PTGIS: variants seen among roughly 807,000 people sequenced by gnomAD.
The protein encoded by PTGIS is prostaglandin I2 synthase.
A neutral mutation model predicts 50.3 loss-of-function variants in PTGIS; 45 were observed. That is an observed-to-expected ratio of 0.90 (90% confidence interval 0.70 to 1.15). The LOEUF is 1.15. PTGIS is among the 50% of genes most tolerant of loss of function. The pLI is 0.00. For synonymous variants in PTGIS, 260 were observed against 267.7 expected, an observed-to-expected ratio of 0.97 and a Z score of 0.28; for missense variants, 668 against 661.3, an observed-to-expected ratio of 1.01 and a Z score of -0.11.
At chr20:49,543,121 A>G (rs1228463483) in intron 4 of PTGIS, among the ~76,000 whole-genome samples, 2 of 152,130 alleles carry the variant, frequency 1.3e-5, no homozygotes, top group Non-Finnish European at 2.9e-5. Context: ...GGTTAAGGGC[A>G]TCACTAAAAT....
intron 8 of PTGIS, 66 bp from the exon 9 acceptor site, chr20:49,511,245 A>G (rs1168464247): frequency 2.2e-5 from 35 of 1,579,072 alleles, no homozygotes; most frequent in Non-Finnish European, 2.9e-5. Flanking sequence ...AGAAAAATGT[A>G]TGAGGATGTT....
At position 49,511,164 on chromosome 20, in the gene PTGIS, G is replaced by A. The variant is rs774604774; in HGVS notation, c.1222C>T (p.Arg408Ter). 4 of 1,614,048 alleles carry A rather than the reference G, an allele frequency of 2.5e-6. No homozygotes were observed. Among genetic ancestry groups the A allele is most frequent in the South Asian group, 1.1e-5 (1 of 91,074 alleles). Reference sequence around the variant, plus strand: ...TCTGATCCGTCAGGGTTCAGGAATCGGTTGTATTTAAATACCTGAAATAGG... The same window carrying A: ...TCTGATCCGTCAGGGTTCAGGAATCAGTTGTATTTAAATACCTGAAATAGG... ...YTDPEVFKYN[R>*]FLNPDGSEKK... Residue 408 changes from arginine (R) to a stop codon, truncating the protein, a stop_gained, in exon 9 of 10, where the codon CGA (arginine) becomes TGA (stop). Transcript: ENST00000244043. LOFTEE classifies it high-confidence loss of function.
At chr20:49,522,609 C>T (rs1386542189) in intron 6 of PTGIS, among the ~76,000 whole-genome samples, 1 of 152,114 alleles carries the variant, frequency 6.6e-6, no homozygotes, top group Non-Finnish European at 1.5e-5. Context: ...ACTACAGGTG[C>T]ACACTACCAT....
rs1269245534 is a variant in PTGIS at position 49,508,586 on chromosome 20, T to G, written c.1359-522A>C. On this transcript the variant is annotated intron_variant, in intron 9 of 9. Coordinates refer to ENST00000244043, the MANE Select transcript of PTGIS (RefSeq NM_000961.4). ...CCTCTGGATCCTCCAGCCCACACAC[T>G]TTGCCGCCTTTCCCCACACTCCTGG... is the stretch of plus-strand genomic sequence containing the variant. 3.2e-4 allele frequency among the ~76,000 whole-genome samples: 49 copies of G among 152,018 alleles called. 1 individual carries two copies. Among genetic ancestry groups the G allele is most frequent in the Admixed American group, 3.2e-3 (49 of 15,272 alleles).
In PTGIS at chr20:49,547,870, G is replaced by T. The variant is rs1982403286; in HGVS notation, c.348C>A (p.Ser116Arg). 6.2e-7 allele frequency: 1 copy of T among 1,614,006 alleles called. No homozygotes were observed. Among genetic ancestry groups the T allele is most frequent in the African/African-American group, 1.3e-5 (1 of 74,886 alleles). The change falls in exon 3 of 10, where the codon AGC (serine) becomes AGA (arginine). Residue 116 changes from serine to arginine, a missense_variant. Ser to Arg is a moderately radical substitution (Grantham distance 110). Transcript: ENST00000244043. ...RIFDVQLPHY[S>R]PSDEKARMKL... is the part of the protein sequence containing the mutation. Reference sequence around the variant, plus strand: ...TCATCCTGGCCTTTTCATCACTGGGGCTGTAATGTGGAAGCTGCACATCAA... The same window carrying T: ...TCATCCTGGCCTTTTCATCACTGGGTCTGTAATGTGGAAGCTGCACATCAA...
rs142636742 is a variant in PTGIS, at chr20:49,562,516, G to A, written c.74+5527C>T. 1.3e-3 allele frequency among the ~76,000 whole-genome samples: 198 copies of A among 152,334 alleles called. 1 individual carries two copies. In the East Asian group the frequency reaches 0.014, roughly 11 times the overall value. ...CAGGGTGACTCAGCCTGCAGCCAGC[G>A]GGGGCGAAGGAGGCTCTGTTTTGGG... On this transcript the variant is annotated intron_variant, in intron 1 of 9. Coordinates refer to ENST00000244043, the MANE Select transcript of PTGIS (RefSeq NM_000961.4).
chr20:49,567,994 G>C lies in PTGIS; in HGVS notation c.74+49C>G, dbSNP rs932946879. The C allele has an allele frequency of 1.0e-4, 152 of 1,449,192 alleles. No individual in the cohort carries two copies. In the African/African-American group the frequency reaches 2.2e-3, roughly 21 times the overall value. The allele number at this position is 1,449,192 out of a possible 1,614,324, so 89.8% of individuals were successfully genotyped here. A position where few individuals can be genotyped will look rare whatever the true frequency, so the allele number is the denominator to read the frequency against. On this transcript the variant is annotated intron_variant, in intron 1 of 9. Coordinates refer to ENST00000244043, the MANE Select transcript of PTGIS (RefSeq NM_000961.4). ...GAGACCCTTGGGCTGCAGCCCGGGCGGGAGCCGCCCCCTTTGTCTGGCGGG... is the reference window on the plus strand; with the variant it reads ...GAGACCCTTGGGCTGCAGCCCGGGCCGGAGCCGCCCCCTTTGTCTGGCGGG...
At chr20:49,567,982 T>G in intron 1 of PTGIS, 61 bp downstream of exon 1, 1 of 1,421,636 alleles carries the variant, frequency 7.0e-7, no homozygotes, top group Non-Finnish European at 9.2e-7. Flanking sequence ...ACCCTTGGGC[T>G]GCAGCCCGGG....
intron 1 of PTGIS, among the ~76,000 whole-genome samples, chr20:49,561,138 T>C (rs923145968): frequency 6.6e-6 from 1 of 152,124 alleles, no homozygotes; most frequent in African/African-American, 2.4e-5. Flanking sequence ...GCCACTTCTC[T>C]TCCTCCTTTC....
intron 6 of PTGIS, among the ~76,000 whole-genome samples, chr20:49,515,531 T>C (rs1158205743): frequency 1.3e-5 from 2 of 152,250 alleles, no homozygotes; most frequent in Non-Finnish European, 2.9e-5. Flanking sequence ...AATAATGGAA[T>C]ATTAAATCAT....
intron 4 of PTGIS, among the ~76,000 whole-genome samples, chr20:49,542,365 G>A (rs1381655919): frequency 2.0e-4 from 31 of 152,246 alleles, no homozygotes; most frequent in Non-Finnish European, 8.8e-5. Flanking sequence ...GCAGTGGAAA[G>A]GCCTACAGCT....
chr20:49,535,315 A>G (rs1306853402), intron 5 of PTGIS, among the ~76,000 whole-genome samples: 1 of 152,186 alleles, frequency 6.6e-6, no homozygotes, highest in Admixed American at 6.5e-5. Flanking sequence ...ATTTTAATGT[A>G]TAGGGCCTTT....
intron 5 of PTGIS, 106 bp downstream of exon 5, chr20:49,539,464 G>A: frequency 7.6e-7 from 1 of 1,315,742 alleles, no homozygotes; most frequent in Non-Finnish European, 1.0e-6. Flanking sequence ...CTGGGCATTG[G>A]ATGTCTTTCT....
At chr20:49,522,501 AT>A (rs34349946) in intron 6 of PTGIS, among the ~76,000 whole-genome samples, 4 of 151,772 alleles carry the variant, frequency 2.6e-5, no homozygotes, top group African/African-American at 7.3e-5. Flanking sequence ...TACTCAAAGG[AT>A]TTTTTTTAAG....
At chr20:49,516,081 A>G (rs1225508057) in intron 6 of PTGIS, among the ~76,000 whole-genome samples, 1 of 144,642 alleles carries the variant, frequency 6.9e-6, no homozygotes, top group East Asian at 2.0e-4. Flanking sequence ...AGGTCTCCCT[A>G]TGTTTCCCAG....
chr20:49,521,591 A>G (rs746975371), intron 6 of PTGIS, among the ~76,000 whole-genome samples: 10 of 152,158 alleles, frequency 6.6e-5, no homozygotes, highest in Non-Finnish European at 1.5e-4. Context: ...CTCTGCACAT[A>G]AATATGTTAT....
At chr20:49,508,855 C>A (rs937641100) in intron 9 of PTGIS, among the ~76,000 whole-genome samples, 1 of 152,164 alleles carries the variant, frequency 6.6e-6, no homozygotes, top group Non-Finnish European at 1.5e-5. Context: ...GGCAGCCCTA[C>A]GGGGGATGTC....
At chr20:49,517,378 CT>C (rs1254346478) in intron 6 of PTGIS, among the ~76,000 whole-genome samples, 1 of 152,194 alleles carries the variant, frequency 6.6e-6, no homozygotes, top group Non-Finnish European at 1.5e-5. Context: ...CTATCTCTGC[CT>C]GCAGGAAAAA....
At chr20:49,519,979 T>G (rs1275482159) in intron 6 of PTGIS, among the ~76,000 whole-genome samples, 1 of 146,508 alleles carries the variant, frequency 6.8e-6, no homozygotes, top group African/African-American at 2.7e-5. Context: ...CCCTACAGTC[T>G]CTTGTCAGCG....
Sources: gnomAD v4.1 joint callset for allele counts (sites outside exome capture counted in the v4.1 genomes callset) on GRCh38, gnomAD v4.1.1 for gene constraint, MANE v1.5 for transcripts, NCBI Gene and HGNC (gene_info 2026-07-23, HGNC 2026-07-21) for gene names.